The following FAM20A variants were observed in gnomAD, a reference collection of about 807,000 sequenced individuals.
The protein encoded by FAM20A is FAM20A golgi associated secretory pathway pseudokinase.
In FAM20A, 42 loss-of-function variants were observed where a neutral mutation model predicts 52.0. That is an observed-to-expected ratio of 0.81 (90% CI 0.63 to 1.04). The LOEUF is 1.04. Ranked by LOEUF, FAM20A falls within the 50% of genes least tolerant of loss-of-function variation. The pLI is 0.00. For synonymous variants in FAM20A, 304 were observed against 298.9 expected (o/e 1.02, Z -0.18); for missense variants, 742 against 712.7 (o/e 1.04, Z -0.47).
intron 1 of FAM20A, among the ~76,000 whole-genome samples, chr17:68,560,109 T>A (rs1273520479): frequency 6.6e-6 from 1 of 152,162 alleles, no homozygotes; most frequent in Non-Finnish European, 1.5e-5. Flanking sequence ...AAATATCCTG[T>A]ATTTTTAGTA....
intron 1 of FAM20A, among the ~76,000 whole-genome samples, chr17:68,575,479 TATATTATATATTATAGATATTAG>T (rs1366856305): frequency 4.0e-4 from 40 of 99,344 alleles, no homozygotes; most frequent in Admixed American, 8.9e-4. Context: ...ATATATTTTA[TATATTATATATTATAGATATTAG>T]ATATTATATA....
At chr17:68,561,223 A>G (rs1454167188) in intron 1 of FAM20A, among the ~76,000 whole-genome samples, 1 of 152,240 alleles carries the variant, frequency 6.6e-6, no homozygotes, top group African/African-American at 2.4e-5. Flanking sequence ...AATTACAAGA[A>G]TAAGAAACCA....
At chr17:68,567,761 G>A (rs935641568) in intron 1 of FAM20A, among the ~76,000 whole-genome samples, 4 of 151,988 alleles carry the variant, frequency 2.6e-5, no homozygotes, top group Non-Finnish European at 4.4e-5. Context: ...ACGTGTCAAC[G>A]AAGGGACCAG....
intron 1 of FAM20A, among the ~76,000 whole-genome samples, chr17:68,596,362 T>G (rs912401761): frequency 1.3e-5 from 2 of 152,212 alleles, no homozygotes; most frequent in Non-Finnish European, 2.9e-5. Flanking sequence ...CTGACCCTGT[T>G]TGACCTTGCC....
chr17:68,542,911 C>A (rs963105823), intron 5 of FAM20A, 102 bp from the exon 6 acceptor site: 1 of 901,826 alleles, frequency 1.1e-6, no homozygotes, highest in East Asian at 2.5e-5. Context: ...GCTGGTGTAC[C>A]CAGGAGGGTG....
At chr17:68,547,533 A>G (rs1213251552) in intron 4 of FAM20A, among the ~76,000 whole-genome samples, 2 of 152,234 alleles carry the variant, frequency 1.3e-5, no homozygotes, top group East Asian at 1.9e-4. Context: ...CTTCTCCATC[A>G]GCACTTACTG....
At chr17:68,560,486 C>T (rs1195119422) in intron 1 of FAM20A, among the ~76,000 whole-genome samples, 3 of 152,144 alleles carry the variant, frequency 2.0e-5, no homozygotes, top group African/African-American at 7.2e-5. Context: ...GACTTCCCAG[C>T]CTCTAGTACT....
In FAM20A at chr17:68,535,278, GAAT is replaced by G; in HGVS notation, c.*2196_*2198del. On this transcript the variant is annotated 3_prime_UTR_variant, in exon 11 of 11. Coordinates refer to ENST00000592554, the MANE Select transcript of FAM20A (RefSeq NM_017565.4). Reference sequence around the variant, plus strand: ...AGTAATGGAAGGTTGAAAGATAAGTGAATAATAAGGTAGGTGTACCACATATCA... The same window carrying G: ...AGTAATGGAAGGTTGAAAGATAAGTGAATAAGGTAGGTGTACCACATATCA... 1 of 454,044 alleles carries G rather than the reference GAAT, an allele frequency of 2.2e-6. No individual in the cohort carries two copies. The highest frequency in any genetic ancestry group is 4.4e-6 in the Non-Finnish European group (1 of 226,760). The allele number at this position is 454,044 out of a possible 1,614,324, so 28.1% of individuals were successfully genotyped here.
intron 1 of FAM20A, among the ~76,000 whole-genome samples, chr17:68,599,888 C>T (rs960105170): frequency 6.6e-6 from 1 of 152,160 alleles, no homozygotes; most frequent in African/African-American, 2.4e-5. Context: ...CGAAGTCCAG[C>T]GGCAGCTTTC....
intron 1 of FAM20A, among the ~76,000 whole-genome samples, chr17:68,569,822 G>T (rs1372235780): frequency 6.6e-6 from 1 of 152,132 alleles, no homozygotes; most frequent in Non-Finnish European, 1.5e-5. Context: ...CCTCATCTTT[G>T]CCTCCTCGTT....
At chr17:68,554,861 A>G (rs747782779) in intron 2 of FAM20A, 34 bp from the exon 3 acceptor site, 9 of 1,611,334 alleles carry the variant, frequency 5.6e-6, no homozygotes, top group Non-Finnish European at 6.8e-6. Flanking sequence ...GAGAACTTCC[A>G]GTCTTGTTCC....
intron 1 of FAM20A, among the ~76,000 whole-genome samples, chr17:68,576,798 T>C (rs112001941): frequency 6.6e-6 from 1 of 152,334 alleles, no homozygotes; most frequent in Non-Finnish European, 1.5e-5. Context: ...GCCCTGTTGA[T>C]TTTGCTCAGC....
intron 9 of FAM20A, 145 bp from the exon 10 acceptor site, chr17:68,539,541 C>G (rs2086198343): frequency 1.3e-6 from 1 of 757,076 alleles, no homozygotes; most frequent in Non-Finnish European, 2.3e-6. Context: ...AGCCCCTCTC[C>G]CCAGTCAGAT....
chr17:68,586,456 T>A (rs527994332), intron 1 of FAM20A, among the ~76,000 whole-genome samples: 1 of 152,318 alleles, frequency 6.6e-6, no homozygotes, highest in East Asian at 1.9e-4. Context: ...AAATTAAGGA[T>A]CTTGAGATGA....
At chr17:68,581,818 C>T (rs1161761004) in intron 1 of FAM20A, among the ~76,000 whole-genome samples, 1 of 152,104 alleles carries the variant, frequency 6.6e-6, no homozygotes, top group Non-Finnish European at 1.5e-5. Context: ...TCGTGATCTG[C>T]CTGCTTTGGC....
At chr17:68,579,048 A>G (rs2087866155) in intron 1 of FAM20A, among the ~76,000 whole-genome samples, 1 of 150,958 alleles carries the variant, frequency 6.6e-6, no homozygotes, top group Non-Finnish European at 1.5e-5. Flanking sequence ...GGCTCAGTGA[A>G]GGCATTTGCT....
chr17:68,580,594 C>T (rs1248273287), intron 1 of FAM20A, among the ~76,000 whole-genome samples: 4 of 152,288 alleles, frequency 2.6e-5, no homozygotes, highest in Non-Finnish European at 4.4e-5. Flanking sequence ...GGAGTGGCCC[C>T]GAACTGGAAG....
chr17:68,578,166 C>G (rs753362462), intron 1 of FAM20A, among the ~76,000 whole-genome samples: 6 of 152,130 alleles, frequency 3.9e-5, no homozygotes, highest in Non-Finnish European at 8.8e-5. Flanking sequence ...AAAATCCACC[C>G]CCTGGGTCCT....
intron 8 of FAM20A, 80 bp downstream of exon 8, chr17:68,540,769 A>G (rs2086250504): frequency 1.3e-6 from 2 of 1,526,010 alleles, no homozygotes; most frequent in African/African-American, 2.8e-5. Context: ...CCAGGTTGTA[A>G]GTTTGTGCTC....
Sources: allele counts gnomAD v4.1 joint callset (sites outside exome capture counted in the v4.1 genomes callset), GRCh38; gene constraint gnomAD v4.1.1; transcripts MANE v1.5; gene names NCBI Gene and HGNC (gene_info 2026-07-23, HGNC 2026-07-21).